Variants in MTA2 observed in about 807,000 individuals in gnomAD.
The protein encoded by MTA2 is metastasis associated 1 family member 2.
Under a neutral mutation model 87.1 loss-of-function variants are expected in MTA2, and 22 were observed. That is an observed-to-expected ratio of 0.25 (90% confidence interval 0.18 to 0.36). The LOEUF (loss-of-function observed/expected upper bound fraction) is 0.36. Among genes scored for constraint, MTA2 ranks in the 10% least tolerant of loss-of-function variants. The probability of loss-of-function intolerance (pLI) is 1.00; values close to 1 mark genes in which losing one functional copy is unlikely to be tolerated. For synonymous variants in MTA2, 314 were observed against 310.1 expected (o/e 1.01, Z -0.13); for missense variants, 542 against 853.2 (o/e 0.64, Z 4.54).
At position 62,598,030 on chromosome 11, in the gene MTA2, C is replaced by G. The variant is rs775685773; in HGVS notation, c.484G>C (p.Val162Leu). The change falls in exon 6 of 18, where the codon GTA becomes CTA. Residue 162 changes from valine (V) to leucine (L), a missense_variant. This residue lies in a region of MTA2 where 150 missense variants were observed against 243.9 expected (regional missense o/e 0.62). Coordinates refer to ENST00000278823, the MANE Select transcript of MTA2 (RefSeq NM_004739.4). ...GTCTTGTCCTGTTGCTTACCCTCTA[C>G]TAGGCGATCTGGGATCTCAGCTTGG... ...KYQAEIPDRL[V>L]EGESDNRNQQ... 2 of 1,613,846 alleles carry G rather than the reference C, an allele frequency of 1.2e-6. No individual in the cohort carries two copies. The highest frequency in any genetic ancestry group is 1.7e-6 in the Non-Finnish European group (2 of 1,179,786).
chr11:62,598,101 T>C lies in MTA2; in HGVS notation c.413A>G (p.Lys138Arg). Residue 138 changes from lysine to arginine, a missense_variant, in exon 6 of 18, where the codon AAG becomes AGG. Lys to Arg is a conservative substitution (Grantham distance 26). Transcript: ENST00000278823. ...CTCGCCCTGATCAGCGAGAAGTGTC[T>C]TCTGCACGGGGTCAAACACCAGTGA... ...FYSLVFDPVQKTLLADQGEIR... is the reference protein window; with the variant it reads ...FYSLVFDPVQRTLLADQGEIR... The C allele has an allele frequency of 6.2e-7, 1 of 1,614,088 alleles. No individual in the cohort carries two copies. Among genetic ancestry groups the C allele is most frequent in the Non-Finnish European group, 8.5e-7 (1 of 1,180,030 alleles).
At chr11:62,600,768 T>C (rs1169925771) in intron 1 of MTA2, 79 bp from the exon 2 acceptor site, 3 of 1,305,034 alleles carry the variant, frequency 2.3e-6, no homozygotes, top group Non-Finnish European at 3.3e-6. Context: ...GGAGAGAAAG[T>C]TGGCCTGAGT....
In MTA2 at chr11:62,601,362, C is replaced by T. The variant is rs1942194658; in HGVS notation, c.28+61G>A. On this transcript the variant is annotated intron_variant, in intron 1 of 17. Transcript: ENST00000278823. ...CCTCGCGCCACCCGGTGCCGAGCCC[C>T]TCAGGTCCCTACCCCAACCTCTCCC... 1.4e-5 allele frequency: 23 copies of T among 1,591,810 alleles called. 1 individual carries two copies. The South Asian group carries it at 2.5e-4, about 17-fold the overall frequency.
In MTA2 at chr11:62,595,076, G is replaced by C; in HGVS notation, c.1484-6C>G. 6.2e-7 allele frequency: 1 copy of C among 1,613,644 alleles called. No homozygotes were observed. Among genetic ancestry groups the C allele is most frequent in the Non-Finnish European group, 8.5e-7 (1 of 1,179,728 alleles). On this transcript the variant is annotated splice_region_variant and splice_polypyrimidine_tract_variant and intron_variant, in intron 14 of 17. Coordinates refer to ENST00000278823, the MANE Select transcript of MTA2 (RefSeq NM_004739.4). This position sits in a 1 kb window ranked among gnomAD's most constrained non-coding sequence, Gnocchi z 4.9. ...CTTAGGAAGTCGAATGGAGCCTGGA[G>C]AACAAAGAAGAAAGCTTCTGAAGGG...
chr11:62,596,132 G>C (rs1466921765), intron 11 of MTA2, 25 bp from the exon 12 acceptor site: 2 of 1,611,546 alleles, frequency 1.2e-6, no homozygotes. Context: ...GAGGAGAAGG[G>C]AAAAAAACAA....
chr11:62,594,950 G>A, intron 15 of MTA2, 31 bp downstream of exon 15: 1 of 1,597,218 alleles, frequency 6.3e-7, no homozygotes, highest in Non-Finnish European at 8.6e-7. Context: ...CTGGGAGCCT[G>A]ATGCCAACCT....
Position 62,598,124 on chromosome 11 carries a change from T to C in MTA2, c.390A>G (p.Ser130=). ...YLEKEDCFFY[S]LVFDPVQKTL... The stretch of plus-strand genomic sequence containing the variant: ...TCTTCTGCACGGGGTCAAACACCAG[T>C]GAGTAAAAAAAGCAGTCCTGGAATT... Residue 130 remains serine (S), a synonymous_variant, in exon 6 of 18, where the codon TCA becomes TCG. Coordinates refer to ENST00000278823, the MANE Select transcript of MTA2 (RefSeq NM_004739.4). 6.2e-7 allele frequency: 1 copy of C among 1,613,692 alleles called. No homozygotes were observed. Among genetic ancestry groups the C allele is most frequent in the Non-Finnish European group, 8.5e-7 (1 of 1,179,940 alleles).
intron 3 of MTA2, among the ~76,000 whole-genome samples, chr11:62,598,919 C>T (rs1364622800): frequency 2.0e-5 from 3 of 152,172 alleles, no homozygotes; most frequent in Non-Finnish European, 4.4e-5. Context: ...AGTACTCAGA[C>T]ACCAAAGTCC....
intron 8 of MTA2, among the ~76,000 whole-genome samples, chr11:62,597,057 C>T (rs573342021): frequency 1.3e-5 from 2 of 152,220 alleles, no homozygotes; most frequent in East Asian, 1.9e-4. Flanking sequence ...GGCGTGGTGG[C>T]GGGTGCCTGT....
rs771926056 is a variant in MTA2 at position 62,596,638 on chromosome 11, A to G, written c.881T>C (p.Phe294Ser). The change falls in exon 9 of 18, where the codon TTT (phenylalanine) becomes TCT (serine). Residue 294 changes from phenylalanine to serine, a missense_variant and splice_region_variant. By Grantham distance (155) the Phe-to-Ser change is radical (BLOSUM62 -2). Transcript: ENST00000278823. ...GKDFNDIRQDFLPWKSLASIV... is the reference protein window; with the variant it reads ...GKDFNDIRQDSLPWKSLASIV... ...CTCCTCCTAGTGCCATCCACTTACA[A>G]AATCCTGGCGAATATCATTGAAGTC... The G allele has an allele frequency of 2.5e-6, 4 of 1,612,128 alleles. No homozygotes were observed. Among genetic ancestry groups the G allele is most frequent in the South Asian group, 1.1e-5 (1 of 90,904 alleles).
intron 17 of MTA2, 74 bp from the exon 18 acceptor site, chr11:62,594,114 G>C (rs1285115934): frequency 1.9e-6 from 3 of 1,549,128 alleles, no homozygotes; most frequent in Non-Finnish European, 1.7e-6. Flanking sequence ...GCCCCACACT[G>C]CAATTATGCC....
chr11:62,600,736 G>A, intron 1 of MTA2, 47 bp from the exon 2 acceptor site: 1 of 1,558,368 alleles, frequency 6.4e-7, no homozygotes, highest in South Asian at 1.1e-5. Context: ...AGAGGAGATG[G>A]GAGACGCAGA....
chr11:62,596,985 C>T (rs1340327250), intron 8 of MTA2, among the ~76,000 whole-genome samples, 160 bp from the exon 9 acceptor site: 1 of 152,000 alleles, frequency 6.6e-6, no homozygotes, highest in African/African-American at 2.4e-5. Context: ...GTCAGGAGAT[C>T]GAGATCATCC....
rs1565045163 is a variant in MTA2 at position 62,598,024 on chromosome 11, C to T, written c.490G>A (p.Gly164Arg). Residue 164 changes from glycine (G) to arginine (R), a missense_variant and splice_region_variant, in exon 6 of 18, where the codon GGA becomes AGA. By Grantham distance (125) the Gly-to-Arg change is moderately radical (BLOSUM62 -2). Coordinates refer to ENST00000278823, the MANE Select transcript of MTA2 (RefSeq NM_004739.4). Reference sequence around the variant, plus strand: ...CGTACAGTCTTGTCCTGTTGCTTACCCTCTACTAGGCGATCTGGGATCTCA... The same window carrying T: ...CGTACAGTCTTGTCCTGTTGCTTACTCTCTACTAGGCGATCTGGGATCTCA... ...QAEIPDRLVE[G>R]ESDNRNQQKM... 1 of 1,612,856 alleles carries T rather than the reference C, an allele frequency of 6.2e-7. No individual in the cohort carries two copies. Among genetic ancestry groups the T allele is most frequent in the Non-Finnish European group, 8.5e-7 (1 of 1,179,000 alleles).
chr11:62,598,677 G>A (rs1411911170), intron 3 of MTA2, 38 bp from the exon 4 acceptor site: 11 of 1,572,170 alleles, frequency 7.0e-6, no homozygotes, highest in Non-Finnish European at 9.6e-6. Flanking sequence ...GTCAGAAATG[G>A]ATCCAGCAAA....
chr11:62,594,862 C>G, intron 15 of MTA2, 119 bp downstream of exon 15: 8 of 985,382 alleles, frequency 8.1e-6, no homozygotes, highest in Non-Finnish European at 1.2e-5. Context: ...AACAAAAGTA[C>G]AGTTTGTTAG....
intron 2 of MTA2, 54 bp from the exon 3 acceptor site, chr11:62,600,313 T>C: frequency 6.7e-7 from 1 of 1,486,442 alleles, no homozygotes; most frequent in South Asian, 1.1e-5. Flanking sequence ...AAATTGATCA[T>C]CTGGGAACAG....
Position 62,597,297 on chromosome 11 carries a change from C to T in MTA2, c.693+19G>A, listed in dbSNP as rs762658947. Reference sequence around the variant, plus strand: ...CCAGAAAACCCAGCCTGCCCAACTACCCACCAACTTCTGCTCACCAGAGTG... The same window carrying T: ...CCAGAAAACCCAGCCTGCCCAACTATCCACCAACTTCTGCTCACCAGAGTG... On this transcript the variant is annotated intron_variant, in intron 8 of 17. Transcript: ENST00000278823. 1.9e-6 allele frequency: 3 copies of T among 1,577,740 alleles called. No individual in the cohort carries two copies. Among genetic ancestry groups the T allele is most frequent in the East Asian group, 2.2e-5 (1 of 44,638 alleles).
intron 6 of MTA2, 55 bp from the exon 7 acceptor site, chr11:62,597,767 G>T: frequency 1.4e-6 from 2 of 1,441,978 alleles, no homozygotes; most frequent in Non-Finnish European, 1.9e-6. Context: ...AACAGTTGGT[G>T]TCTTTTCATT....
Sources: allele counts gnomAD v4.1 joint callset (sites outside exome capture counted in the v4.1 genomes callset), GRCh38; gene constraint gnomAD v4.1.1; regional missense constraint gnomAD v4.1.1; non-coding constraint Gnocchi (gnomAD v3.1); transcripts MANE v1.5; gene names NCBI Gene and HGNC (gene_info 2026-07-23, HGNC 2026-07-21).